Variants in SIK3 observed in about 807,000 individuals in gnomAD.
The protein encoded by SIK3 is SIK family kinase 3, also known as serine/threonine-protein kinase SIK3.
SIK3 carries 28 observed loss-of-function variants against 144.2 expected under a neutral mutation model. That is an observed-to-expected ratio of 0.19 (90% CI 0.14 to 0.27). The LOEUF (loss-of-function observed/expected upper bound fraction) is 0.27, where lower values mean the gene tolerates loss of function less well. SIK3 is among the 10% of genes least tolerant of loss of function. The pLI is 1.00. For missense variants in SIK3, 1,319 were observed against 1,776.0 expected (o/e 0.74, Z 4.62); for synonymous variants, 686 against 676.3 (o/e 1.01, Z -0.22).
At chr11:116,942,476 A>AT (rs1292072561) in intron 3 of SIK3, among the ~76,000 whole-genome samples, 48 of 152,370 alleles carry the variant, frequency 3.2e-4, no homozygotes, top group Admixed American at 3.1e-3. Flanking sequence ...CAGTAAAAAA[A>AT]CAAATAAATA....
chr11:117,031,902 A>C (rs1255235263), intron 1 of SIK3, among the ~76,000 whole-genome samples: 1 of 151,842 alleles, frequency 6.6e-6, no homozygotes, highest in East Asian at 1.9e-4. Context: ...ATGTTATACA[A>C]CTTTGTGAAT....
chr11:116,947,783 T>A (rs1948744952), intron 3 of SIK3, among the ~76,000 whole-genome samples: 1 of 151,840 alleles, frequency 6.6e-6, no homozygotes, highest in Non-Finnish European at 1.5e-5. Context: ...GCCAGGATGG[T>A]CTCATCTCCT....
At chr11:117,084,041 T>A (rs1954901325) in intron 1 of SIK3, among the ~76,000 whole-genome samples, 1 of 152,198 alleles carries the variant, frequency 6.6e-6, no homozygotes, top group Non-Finnish European at 1.5e-5. Flanking sequence ...ATAAAATAAC[T>A]TGTCCTCAAA....
chr11:117,018,945 T>C (rs148931398), intron 1 of SIK3, among the ~76,000 whole-genome samples: 131 of 151,744 alleles, frequency 8.6e-4, no homozygotes, highest in African/African-American at 2.8e-3. Flanking sequence ...CTCCTGACCT[T>C]AGGTGATCCA....
intron 1 of SIK3, among the ~76,000 whole-genome samples, chr11:117,090,949 G>A (rs1229530823): frequency 2.0e-5 from 3 of 152,160 alleles, no homozygotes; most frequent in African/African-American, 7.2e-5. Flanking sequence ...ACTTTAATTG[G>A]TATAGGTGTA....
rs551613786 is a variant in SIK3 at position 116,856,218 on chromosome 11, C to A, written c.3655+1592G>T. 2.1e-5 allele frequency among the ~76,000 whole-genome samples: 3 copies of A among 141,684 alleles called. No individual in the cohort carries two copies. In the South Asian group the frequency reaches 6.7e-4, roughly 31 times the overall value. The allele number at this position is 141,684 out of a possible 152,430, so 93.0% of individuals were successfully genotyped here. A position where few individuals can be genotyped will look rare whatever the true frequency, so the allele number is the denominator to read the frequency against. ...TCTCAAAAAAAAAAAAAAAAAGAAACGTGAGCTCATCTCCTTTTCATGCCA... is the reference window on the plus strand; with the variant it reads ...TCTCAAAAAAAAAAAAAAAAAGAAAAGTGAGCTCATCTCCTTTTCATGCCA... On this transcript the variant is annotated intron_variant, in intron 21 of 24. Transcript: ENST00000445177.
chr11:117,078,832 C>A (rs913752216), intron 1 of SIK3, among the ~76,000 whole-genome samples: 1 of 152,164 alleles, frequency 6.6e-6, no homozygotes, highest in Non-Finnish European at 1.5e-5. Flanking sequence ...GGTGCCAACA[C>A]AATCATCTCG....
At chr11:116,880,341 G>C (rs1257045570) in intron 6 of SIK3, among the ~76,000 whole-genome samples, 1 of 150,030 alleles carries the variant, frequency 6.7e-6, no homozygotes, top group Non-Finnish European at 1.5e-5. Context: ...TTATACACAA[G>C]ACCTTGCATG....
chr11:117,044,382 A>G (rs1228454457), intron 1 of SIK3, among the ~76,000 whole-genome samples: 1 of 152,204 alleles, frequency 6.6e-6, no homozygotes, highest in African/African-American at 2.4e-5. Context: ...TCTCTAAACT[A>G]TAATTCCTGC....
intron 3 of SIK3, among the ~76,000 whole-genome samples, chr11:116,937,255 T>C (rs1320733651): frequency 1.3e-5 from 2 of 152,224 alleles, no homozygotes. Context: ...TGTATATGCA[T>C]ATATTTATTT....
At chr11:117,092,622 C>T (rs887084867) in intron 1 of SIK3, among the ~76,000 whole-genome samples, 3 of 152,052 alleles carry the variant, frequency 2.0e-5, no homozygotes, top group Non-Finnish European at 4.4e-5. Context: ...CACTCCAGAC[C>T]CTAGAATGGA....
intron 4 of SIK3, among the ~76,000 whole-genome samples, chr11:116,901,755 G>T (rs2134835857): frequency 6.6e-6 from 1 of 152,282 alleles, no homozygotes; most frequent in African/African-American, 2.4e-5. Context: ...GTTTAACACA[G>T]TGGGCACTTA....
At chr11:116,952,298 T>C (rs11607469) in intron 3 of SIK3, among the ~76,000 whole-genome samples, 551 of 151,814 alleles carry the variant, frequency 3.6e-3, no homozygotes, top group Middle Eastern at 6.9e-3. Context: ...GCTACTCAGA[T>C]GGCTGAGGCA....
chr11:116,874,849 G>A (rs931135988), intron 11 of SIK3, among the ~76,000 whole-genome samples: 5 of 152,202 alleles, frequency 3.3e-5, no homozygotes, highest in Non-Finnish European at 7.3e-5. Flanking sequence ...GTCTTCAACC[G>A]TGGAACAAAA....
Position 116,867,672 on chromosome 11 carries a change from A to G in SIK3, c.1952+274T>C, listed in dbSNP as rs1943719148. Reference sequence around the variant, plus strand: ...GCAGGTCTCAAGTTCAATTTTATCTATGAATCAACATCTAGAATCATGGGA... The same window carrying G: ...GCAGGTCTCAAGTTCAATTTTATCTGTGAATCAACATCTAGAATCATGGGA... On this transcript the variant is annotated intron_variant, in intron 15 of 24. Transcript: ENST00000445177. The surrounding 1 kb of genome is among the most constrained non-coding windows in gnomAD (Gnocchi z 4.1). The G allele has an allele frequency of 3.1e-6, 1 of 319,106 alleles. No homozygotes were observed. The highest frequency in any genetic ancestry group is 5.7e-6 in the Non-Finnish European group (1 of 176,278). The allele number at this position is 319,106 out of a possible 1,614,324, so 19.8% of individuals were successfully genotyped here. A position where few individuals can be genotyped will look rare whatever the true frequency, so the allele number is the denominator to read the frequency against.
chr11:117,092,043 C>A (rs7946219), intron 1 of SIK3, among the ~76,000 whole-genome samples: 2 of 151,670 alleles, frequency 1.3e-5, no homozygotes, highest in Non-Finnish European at 2.9e-5. Context: ...TCATGCCCCC[C>A]CAAAGCACTG....
At position 116,868,039 on chromosome 11, in the gene SIK3, G is replaced by A. The variant is rs1375912932; in HGVS notation, c.1859C>T (p.Thr620Ile). The change falls in exon 15 of 25, where the codon ACA becomes ATA. Residue 620 changes from threonine (T) to isoleucine (I), a missense_variant. By Grantham distance (89) the Thr-to-Ile change is moderately conservative. Around this residue, in one of 8 missense-constraint regions of SIK3, gnomAD observed 167 missense variants for 263.3 expected, o/e 0.63. Coordinates refer to ENST00000445177, the MANE Select transcript of SIK3 (RefSeq NM_001366686.3). Reference protein sequence around the residue: ...KRHTLAMTNPTAEIPPDLQRQ... With the variant: ...KRHTLAMTNPIAEIPPDLQRQ... Reference sequence around the variant, plus strand: ...TTGTAGGTCCGGTGGGATCTCAGCTGTAGGGTTGGTCATGGCCAGTGTATG... The same window carrying A: ...TTGTAGGTCCGGTGGGATCTCAGCTATAGGGTTGGTCATGGCCAGTGTATG... The A allele has an allele frequency of 6.4e-7, 1 of 1,550,600 alleles. No individual in the cohort carries two copies. Among genetic ancestry groups the A allele is most frequent in the Non-Finnish European group, 8.7e-7 (1 of 1,146,998 alleles).
At chr11:117,044,867 A>G (rs747183886) in intron 1 of SIK3, among the ~76,000 whole-genome samples, 3 of 152,204 alleles carry the variant, frequency 2.0e-5, no homozygotes, top group Admixed American at 6.5e-5. Context: ...TGGGCAACAG[A>G]GCAAGACCCC....
At chr11:116,956,799 G>A (rs1405082777) in intron 2 of SIK3, 149 bp downstream of exon 2, 5 of 485,694 alleles carry the variant, frequency 1.0e-5, no homozygotes, top group South Asian at 5.1e-5. Context: ...AGTGCTGAGC[G>A]CGTAAACAGA....
Sources: gnomAD v4.1 joint callset for allele counts (sites outside exome capture counted in the v4.1 genomes callset) on GRCh38, gnomAD v4.1.1 for gene constraint, gnomAD v4.1.1 regional missense constraint, Gnocchi (gnomAD v3.1) non-coding constraint, MANE v1.5 for transcripts, NCBI Gene and HGNC (gene_info 2026-07-23, HGNC 2026-07-21) for gene names.